The following SCD5 variants were observed in gnomAD, a reference collection of about 807,000 sequenced individuals.
SCD5 encodes the protein stearoyl-CoA desaturase 5.
In SCD5, 20 loss-of-function variants were observed where a neutral mutation model predicts 30.4. The ratio of observed to expected loss-of-function variants is 0.66; its 90% CI spans 0.46 to 0.96. The LOEUF (loss-of-function observed/expected upper bound fraction) is 0.96. SCD5 is among the 40% of genes least tolerant of loss of function. The pLI is 0.00. For missense variants in SCD5, 381 were observed against 443.3 expected, an observed-to-expected ratio of 0.86 and a Z score of 1.26; for synonymous variants, 173 against 176.4, an observed-to-expected ratio of 0.98 and a Z score of 0.16.
chr4:82,772,644 G>A (rs2148848997), intron 1 of SCD5, among the ~76,000 whole-genome samples: 1 of 152,236 alleles, frequency 6.6e-6, no homozygotes, highest in East Asian at 1.9e-4. Flanking sequence ...CTCTCTACTG[G>A]CTGGCCTGGG....
chr4:82,718,698 G>A (rs1430485414), intron 1 of SCD5, among the ~76,000 whole-genome samples: 1 of 151,730 alleles, frequency 6.6e-6, no homozygotes, highest in African/African-American at 2.4e-5. Flanking sequence ...TCTCTAGTTA[G>A]GGACTGCATC....
chr4:82,768,377 T>A (rs1326593744), intron 1 of SCD5, among the ~76,000 whole-genome samples: 8 of 152,112 alleles, frequency 5.3e-5, no homozygotes, highest in East Asian at 1.9e-4. Context: ...CTAAAATAAC[T>A]AATAGGATAA....
intron 1 of SCD5, among the ~76,000 whole-genome samples, chr4:82,719,189 CCT>C (rs1358948473): frequency 4.1e-4 from 63 of 151,812 alleles, no homozygotes. Flanking sequence ...TGTCAGGCCA[CCT>C]CTCTTTCTTG....
At chr4:82,734,607 AT>A (rs1662658231) in intron 1 of SCD5, among the ~76,000 whole-genome samples, 1 of 152,184 alleles carries the variant, frequency 6.6e-6, no homozygotes, top group African/African-American at 2.4e-5. Context: ...CTTTTAACCA[AT>A]TTTGTAATGA....
chr4:82,771,927 T>A (rs1181828041), intron 1 of SCD5, among the ~76,000 whole-genome samples: 1 of 152,216 alleles, frequency 6.6e-6, no homozygotes, highest in Middle Eastern at 3.2e-3. Context: ...GCCACACTCA[T>A]GATCAAAAGC....
chr4:82,707,004 T>C (rs1719985309), intron 1 of SCD5, among the ~76,000 whole-genome samples: 1 of 152,250 alleles, frequency 6.6e-6, no homozygotes, highest in Admixed American at 6.5e-5. Flanking sequence ...TCATGGGCTG[T>C]CCCATTAACA....
chr4:82,692,451 C>T (rs1362666452), intron 2 of SCD5: 1 of 153,240 alleles, frequency 6.5e-6, no homozygotes, highest in African/African-American at 2.4e-5. Flanking sequence ...CACACCCCAC[C>T]ATGGCCAAAG....
chr4:82,670,154 A>G (rs1433687199), intron 3 of SCD5, among the ~76,000 whole-genome samples: 1 of 152,230 alleles, frequency 6.6e-6, no homozygotes, highest in Non-Finnish European at 1.5e-5. Context: ...AACAAAACAC[A>G]GCTTGAAGAG....
chr4:82,743,275 C>T (rs553747656), intron 1 of SCD5, among the ~76,000 whole-genome samples: 6 of 152,072 alleles, frequency 3.9e-5, no homozygotes, highest in East Asian at 1.9e-4. Context: ...TTTGGGAGGC[C>T]GAGGTGGGAG....
Position 82,636,768 on chromosome 4 carries a change from A to G in SCD5, c.625T>C (p.Trp209Arg), listed in dbSNP as rs1727441092. Residue 209 changes from tryptophan to arginine, a missense_variant, in exon 4 of 5, where the codon TGG becomes CGG. By Grantham distance (101) the Trp-to-Arg change is moderately radical. Coordinates refer to ENST00000319540, the MANE Select transcript of SCD5 (RefSeq NM_001037582.3). ...CACAGACTCTCTCCCCAGATGTACC[A>G]GGGCACCAGCGTGGGGACCACAAAG... Reference protein sequence around the residue: ...MCFVVPTLVPWYIWGESLWNS... With the variant: ...MCFVVPTLVPRYIWGESLWNS... 1 of 1,614,244 alleles carries G rather than the reference A, an allele frequency of 6.2e-7. No individual in the cohort carries two copies. Among genetic ancestry groups the G allele is most frequent in the South Asian group, 1.1e-5 (1 of 91,086 alleles).
chr4:82,717,533 G>A (rs1347631873), intron 1 of SCD5, among the ~76,000 whole-genome samples: 1 of 151,848 alleles, frequency 6.6e-6, no homozygotes, highest in Admixed American at 6.5e-5. Flanking sequence ...GTGTGTGTTA[G>A]AGGAAGATGT....
intron 1 of SCD5, among the ~76,000 whole-genome samples, chr4:82,735,297 G>A (rs576009899): frequency 2.7e-4 from 41 of 152,158 alleles, no homozygotes; most frequent in South Asian, 1.0e-3. Flanking sequence ...GTTGATTGGC[G>A]TGTCTACACG....
At chr4:82,674,721 T>C (rs1386654420) in intron 3 of SCD5, among the ~76,000 whole-genome samples, 1 of 152,174 alleles carries the variant, frequency 6.6e-6, no homozygotes, top group Admixed American at 6.5e-5. Flanking sequence ...GCAACCAAGA[T>C]GTCCTCCACT....
chr4:82,728,643 G>A (rs1398968505), intron 1 of SCD5, among the ~76,000 whole-genome samples: 1 of 152,020 alleles, frequency 6.6e-6, no homozygotes, highest in Non-Finnish European at 1.5e-5. Flanking sequence ...CAGTGCAAAA[G>A]GACCATTTTC....
intron 1 of SCD5, among the ~76,000 whole-genome samples, chr4:82,725,696 C>CA (rs1485360250): frequency 6.6e-6 from 1 of 151,830 alleles, no homozygotes; most frequent in African/African-American, 2.4e-5. Flanking sequence ...CCTACCTCTA[C>CA]AAAAAATACA....
chr4:82,797,467 C>A (rs1461078189), intron 1 of SCD5, among the ~76,000 whole-genome samples: 1 of 149,768 alleles, frequency 6.7e-6, no homozygotes, highest in Non-Finnish European at 1.5e-5. Flanking sequence ...CCCTGGGGCC[C>A]AGGGGAAGGG....
At chr4:82,788,449 G>A (rs113606058) in intron 1 of SCD5, among the ~76,000 whole-genome samples, 3,427 of 152,232 alleles carry the variant, frequency 0.023, 56 homozygotes, top group Middle Eastern at 0.031. Context: ...GGAGTGCAGC[G>A]GCATGATCTC....
At chr4:82,759,644 G>A (rs1293059031) in intron 1 of SCD5, among the ~76,000 whole-genome samples, 8 of 95,338 alleles carry the variant, frequency 8.4e-5, no homozygotes, top group South Asian at 3.2e-4. Flanking sequence ...CAAGAACCCC[G>A]TCTTAAAAAA....
intron 2 of SCD5, among the ~76,000 whole-genome samples, chr4:82,698,296 G>A (rs1719740627): frequency 6.6e-6 from 1 of 152,100 alleles, no homozygotes; most frequent in Non-Finnish European, 1.5e-5. Flanking sequence ...CTAAAGTTCT[G>A]GTGTTTTGTT....
Sources: gnomAD v4.1 joint callset for allele counts (sites outside exome capture counted in the v4.1 genomes callset) on GRCh38, gnomAD v4.1.1 for gene constraint, MANE v1.5 for transcripts, NCBI Gene and HGNC (gene_info 2026-07-23, HGNC 2026-07-21) for gene names.